FOXP1: variants seen among roughly 807,000 people sequenced by gnomAD.
FOXP1 encodes the protein forkhead box protein P1.
FOXP1 carries 15 observed loss-of-function variants against 98.2 expected under a neutral mutation model. The ratio of observed to expected loss-of-function variants is 0.15; its 90% CI spans 0.10 to 0.24. The LOEUF is 0.24. FOXP1 is among the 10% of genes least tolerant of loss of function. The probability of loss-of-function intolerance (pLI) is 1.00; values close to 1 mark genes in which losing one functional copy is unlikely to be tolerated. For missense variants in FOXP1, 633 were observed against 848.5 expected (o/e 0.75, Z 3.15); for synonymous variants, 371 against 314.5 (o/e 1.18, Z -1.90).
chr3:71,250,638 G>A (rs1000259594), intron 5 of FOXP1, among the ~76,000 whole-genome samples: 7 of 152,188 alleles, frequency 4.6e-5, no homozygotes, highest in Non-Finnish European at 1.0e-4. Flanking sequence ...AAAATTGAAA[G>A]TGTTTTTTGC....
chr3:71,376,059 T>C (rs570141679), intron 3 of FOXP1, among the ~76,000 whole-genome samples: 9 of 152,260 alleles, frequency 5.9e-5, no homozygotes, highest in Non-Finnish European at 1.2e-4. Flanking sequence ...GGAAGGTCAA[T>C]ACTGTTTTTG....
At chr3:70,970,430 C>CACTTGTGGTAT (rs1206895905) in intron 19 of FOXP1, 8 of 415,524 alleles carry the variant, frequency 1.9e-5, no homozygotes, top group Non-Finnish European at 3.1e-5. Flanking sequence ...AGAGTAATTA[C>CACTTGTGGTAT]ACTTGTGGTA....
At chr3:71,442,188 G>T (rs952873832) in intron 3 of FOXP1, among the ~76,000 whole-genome samples, 2 of 152,128 alleles carry the variant, frequency 1.3e-5, no homozygotes, top group Admixed American at 1.3e-4. Flanking sequence ...TGCCCCAGTT[G>T]TTCATTCCTT....
At chr3:71,485,272 A>T (rs2090565317) in intron 3 of FOXP1, among the ~76,000 whole-genome samples, 1 of 152,156 alleles carries the variant, frequency 6.6e-6, no homozygotes. Flanking sequence ...TTATACAATA[A>T]AAGTGGTCAA....
chr3:71,559,778 T>C (rs571336815), intron 2 of FOXP1, among the ~76,000 whole-genome samples: 1 of 151,672 alleles, frequency 6.6e-6, no homozygotes, highest in African/African-American at 2.4e-5. Flanking sequence ...GCCTGGGAGG[T>C]CAAGGCTGCA....
chr3:71,208,952 G>A (rs968796615), intron 5 of FOXP1, among the ~76,000 whole-genome samples: 10 of 152,166 alleles, frequency 6.6e-5, no homozygotes, highest in Admixed American at 3.3e-4. Context: ...AAATCAAACC[G>A]GTTGGAGACC....
chr3:70,960,602 G>A (rs1340949747), intron 20 of FOXP1, among the ~76,000 whole-genome samples: 1 of 152,204 alleles, frequency 6.6e-6, no homozygotes, highest in Non-Finnish European at 1.5e-5. Context: ...CTGCAGAAGG[G>A]AAGATTTTTA....
intron 12 of FOXP1, among the ~76,000 whole-genome samples, chr3:71,008,393 GA>G (rs762877530): frequency 2.0e-5 from 3 of 152,174 alleles, no homozygotes; most frequent in Non-Finnish European, 4.4e-5. Flanking sequence ...CAAGTGGGGA[GA>G]AGATGGAAGA....
intron 4 of FOXP1, among the ~76,000 whole-genome samples, chr3:71,337,378 G>A (rs1180170563): frequency 6.6e-6 from 1 of 152,172 alleles, no homozygotes; most frequent in Non-Finnish European, 1.5e-5. Context: ...AGCCACATCT[G>A]CAGTGCTCAG....
intron 3 of FOXP1, among the ~76,000 whole-genome samples, chr3:71,428,030 A>C (rs929145924): frequency 2.6e-5 from 4 of 152,158 alleles, no homozygotes; most frequent in African/African-American, 9.7e-5. Context: ...ACTGGGAGAG[A>C]GGAGGGTAAA....
At chr3:71,215,769 G>C (rs529885769) in intron 5 of FOXP1, among the ~76,000 whole-genome samples, 1 of 152,270 alleles carries the variant, frequency 6.6e-6, no homozygotes, top group East Asian at 1.9e-4. Context: ...CTAACTTTCT[G>C]GGTTATTGTT....
chr3:71,153,377 C>T (rs2060665164), intron 6 of FOXP1, among the ~76,000 whole-genome samples: 1 of 152,070 alleles, frequency 6.6e-6, no homozygotes, highest in East Asian at 1.9e-4. Flanking sequence ...AAGTATTCTC[C>T]AGGGACGTTT....
chr3:71,362,958 GT>G (rs571473834), intron 3 of FOXP1, among the ~76,000 whole-genome samples: 1 of 152,218 alleles, frequency 6.6e-6, no homozygotes, highest in Non-Finnish European at 1.5e-5. Context: ...CTTAAAAAGT[GT>G]TTTTTAATGT....
At chr3:71,195,763 ATT>A (rs2063263473) in intron 6 of FOXP1, among the ~76,000 whole-genome samples, 1 of 152,186 alleles carries the variant, frequency 6.6e-6, no homozygotes, top group African/African-American at 2.4e-5. Flanking sequence ...CATGGCTATG[ATT>A]TTCTCACTGC....
At chr3:70,973,389 A>C (rs1203076313) in intron 17 of FOXP1, among the ~76,000 whole-genome samples, 1 of 152,212 alleles carries the variant, frequency 6.6e-6, no homozygotes, top group African/African-American at 2.4e-5. Context: ...TGGCAAAATG[A>C]CTATATTCCT....
Position 71,090,465 on chromosome 3 carries a change from T to C in FOXP1, c.282+22071A>G, listed in dbSNP as rs185611007. On this transcript the variant is annotated intron_variant, in intron 7 of 20. Transcript: ENST00000649528. Reference sequence around the variant, plus strand: ...TAACAGGGCAATGAAGAGTAACAAATTACTCAGTCCCCAGGAGAAGCAAGT... The same window carrying C: ...TAACAGGGCAATGAAGAGTAACAAACTACTCAGTCCCCAGGAGAAGCAAGT... Among the ~76,000 whole-genome samples the C allele has an allele frequency of 4.9e-4, 75 of 152,226 alleles. 1 individual carries two copies. Among genetic ancestry groups the C allele is most frequent in the African/African-American group, 1.5e-3 (63 of 41,532 alleles).
At chr3:71,002,071 T>A (rs1462582741) in intron 12 of FOXP1, among the ~76,000 whole-genome samples, 1 of 152,180 alleles carries the variant, frequency 6.6e-6, no homozygotes, top group African/African-American at 2.4e-5. Flanking sequence ...CTATTTCAGG[T>A]TTTTGTTCCA....
chr3:71,478,927 G>C (rs9854068), intron 3 of FOXP1, among the ~76,000 whole-genome samples: 55,273 of 152,090 alleles, frequency 0.36, 10,525 homozygotes, highest in African/African-American at 0.39. Flanking sequence ...TGAAAGGAGG[G>C]GGGGAGGGAA....
At chr3:71,443,744 T>C (rs181981435) in intron 3 of FOXP1, among the ~76,000 whole-genome samples, 2 of 152,374 alleles carry the variant, frequency 1.3e-5, no homozygotes, top group East Asian at 3.9e-4. Context: ...TTGTATCCTT[T>C]TGTCATTTTT....
Sources: gnomAD v4.1 joint callset for allele counts (sites outside exome capture counted in the v4.1 genomes callset) on GRCh38, gnomAD v4.1.1 for gene constraint, MANE v1.5 for transcripts, NCBI Gene and HGNC (gene_info 2026-07-23, HGNC 2026-07-21) for gene names.